Variants in UBTD1 observed in about 807,000 individuals in gnomAD.
UBTD1 encodes ubiquitin domain containing 1, also known as ubiquitin domain-containing protein 1.
Under a neutral mutation model 21.7 loss-of-function variants are expected in UBTD1, and 19 were observed. The ratio of observed to expected loss-of-function variants is 0.87; its 90% CI spans 0.61 to 1.28. The LOEUF (loss-of-function observed/expected upper bound fraction) is 1.28. UBTD1 is among the 50% of genes most tolerant of loss of function. The probability of loss-of-function intolerance (pLI) is 0.00; values close to 1 mark genes in which losing one functional copy is unlikely to be tolerated. For synonymous variants in UBTD1, 116 were observed against 135.1 expected (o/e 0.86, Z 0.98); for missense variants, 282 against 315.1 (o/e 0.89, Z 0.80).
chr10:97,549,922 C>A (rs1420567541), intron 1 of UBTD1, among the ~76,000 whole-genome samples: 7 of 152,240 alleles, frequency 4.6e-5, no homozygotes, highest in Non-Finnish European at 1.0e-4. Flanking sequence ...CCCTGGCTCC[C>A]CCCTCCCCGC....
rs546883182 is a variant in UBTD1, at chr10:97,535,417, C to A, written c.71-32497C>A. Among the ~76,000 whole-genome samples the A allele has an allele frequency of 4.6e-5, 7 of 152,096 alleles. No homozygotes were observed. The South Asian group carries it at 1.5e-3, about 32-fold the overall frequency. Reference sequence around the variant, plus strand: ...GATCACGAGATCAGGAAATTGAGACCATCCTGGCTAACACAGTGAAACCCC... The same window carrying A: ...GATCACGAGATCAGGAAATTGAGACAATCCTGGCTAACACAGTGAAACCCC... On this transcript the variant is annotated intron_variant, in intron 1 of 2. Transcript: ENST00000370664.
At chr10:97,542,821 C>T (rs2040592709) in intron 1 of UBTD1, among the ~76,000 whole-genome samples, 1 of 152,208 alleles carries the variant, frequency 6.6e-6, no homozygotes, top group Non-Finnish European at 1.5e-5. Context: ...AAGGGCTGTC[C>T]ATATGGTCAG....
intron 1 of UBTD1, among the ~76,000 whole-genome samples, chr10:97,517,925 C>A (rs1402438955): frequency 2.6e-5 from 4 of 152,082 alleles, no homozygotes; most frequent in Non-Finnish European, 4.4e-5. Flanking sequence ...TGGCTGTGTT[C>A]TCCTTCCTGG....
At chr10:97,553,731 T>A (rs1311252130) in intron 1 of UBTD1, among the ~76,000 whole-genome samples, 1 of 152,114 alleles carries the variant, frequency 6.6e-6, no homozygotes, top group Non-Finnish European at 1.5e-5. Context: ...AAGGCAACGG[T>A]TGGACTCCTG....
At chr10:97,568,329 C>G (rs1304442379) in intron 2 of UBTD1, among the ~76,000 whole-genome samples, 188 bp downstream of exon 2, 1 of 152,194 alleles carries the variant, frequency 6.6e-6, no homozygotes, top group Non-Finnish European at 1.5e-5. Flanking sequence ...CTATGCTTGC[C>G]TAATGACATG....
intron 1 of UBTD1, among the ~76,000 whole-genome samples, chr10:97,528,361 A>C (rs1403392377): frequency 6.4e-5 from 6 of 93,870 alleles, no homozygotes; most frequent in Admixed American, 4.2e-4. Flanking sequence ...TGACCCCCCC[A>C]CCTCCCTCCC....
intron 1 of UBTD1, among the ~76,000 whole-genome samples, chr10:97,529,012 G>T (rs1386016325): frequency 6.6e-6 from 1 of 151,606 alleles, no homozygotes; most frequent in Non-Finnish European, 1.5e-5. Context: ...CCCAGACGGG[G>T]TGGCAGCCGG....
intron 1 of UBTD1, among the ~76,000 whole-genome samples, chr10:97,515,779 T>C (rs891402994): frequency 1.3e-5 from 2 of 151,830 alleles, no homozygotes; most frequent in African/African-American, 4.8e-5. Flanking sequence ...AGAAAGAGAG[T>C]CTGGTTGGCA....
chr10:97,499,094 G>A lies in UBTD1; in HGVS notation c.-110G>A. On this transcript the variant is annotated 5_prime_UTR_variant, in exon 1 of 3. Coordinates refer to ENST00000370664, the MANE Select transcript of UBTD1 (RefSeq NM_024954.5). ...GAGCGCGCCCCCGGGGGGAGATCGG[G>A]GAGCGCCCGATGCCGGGCGGCCGGA... The A allele has an allele frequency of 7.9e-7, 1 of 1,270,334 alleles. No individual in the cohort carries two copies. The highest frequency in any genetic ancestry group is 1.1e-6 in the Non-Finnish European group (1 of 943,938). 78.7% of individuals were successfully genotyped at this position (1,270,334 alleles called of 1,614,324 possible).
At chr10:97,518,141 T>A (rs1198719236) in intron 1 of UBTD1, among the ~76,000 whole-genome samples, 1 of 152,112 alleles carries the variant, frequency 6.6e-6, no homozygotes, top group African/African-American at 2.4e-5. Context: ...GCTGCTGGCC[T>A]AGGGAAGAGG....
chr10:97,543,855 G>A (rs1317561955), intron 1 of UBTD1, among the ~76,000 whole-genome samples: 1 of 152,206 alleles, frequency 6.6e-6, no homozygotes, highest in Non-Finnish European at 1.5e-5. Context: ...GGGCAGATTT[G>A]CTGTGGTGTT....
At chr10:97,556,168 A>ACTCT (rs2040663143) in intron 1 of UBTD1, among the ~76,000 whole-genome samples, 1 of 152,188 alleles carries the variant, frequency 6.6e-6, no homozygotes, top group South Asian at 2.1e-4. Context: ...TACTCTTATT[A>ACTCT]TAAGAGTTTT....
intron 1 of UBTD1, among the ~76,000 whole-genome samples, chr10:97,538,931 C>T (rs1157900407): frequency 2.6e-5 from 4 of 152,164 alleles, no homozygotes; most frequent in African/African-American, 9.7e-5. Flanking sequence ...AGTCTTAGAG[C>T]TGGAACGGGC....
intron 1 of UBTD1, among the ~76,000 whole-genome samples, chr10:97,518,423 G>C (rs1478506245): frequency 1.3e-5 from 2 of 152,178 alleles, no homozygotes; most frequent in African/African-American, 2.4e-5. Flanking sequence ...CATGCCTACC[G>C]GCCCGAGGCT....
intron 1 of UBTD1, among the ~76,000 whole-genome samples, chr10:97,534,015 G>C (rs58855391): frequency 0.041 from 6,254 of 152,220 alleles, 342 homozygotes; most frequent in African/African-American, 0.12. Flanking sequence ...CTAGGCCAGC[G>C]GGGCCCTGAA....
intron 1 of UBTD1, among the ~76,000 whole-genome samples, chr10:97,552,736 A>G (rs200408425): frequency 6.6e-6 from 1 of 152,158 alleles, no homozygotes; most frequent in East Asian, 1.9e-4. Flanking sequence ...AAGCTGGAGC[A>G]CTGTGCGCTT....
At chr10:97,554,953 AC>A (rs1328954368) in intron 1 of UBTD1, among the ~76,000 whole-genome samples, 1 of 152,040 alleles carries the variant, frequency 6.6e-6, no homozygotes, top group African/African-American at 2.4e-5. Flanking sequence ...CCCTTTCTCA[AC>A]CCTTGGTAGA....
chr10:97,566,673 GGA>G (rs1273713237), intron 1 of UBTD1, among the ~76,000 whole-genome samples: 1 of 152,212 alleles, frequency 6.6e-6, no homozygotes, highest in African/African-American at 2.4e-5. Flanking sequence ...CTTTCTCAGC[GGA>G]GATCGCTGCC....
intron 2 of UBTD1, among the ~76,000 whole-genome samples, chr10:97,568,475 T>C (rs2040728927): frequency 6.6e-6 from 1 of 151,998 alleles, no homozygotes; most frequent in African/African-American, 2.4e-5. Context: ...AGGCTGAGGC[T>C]CAGTGGTGGG....
Sources: gnomAD v4.1 joint callset for allele counts (sites outside exome capture counted in the v4.1 genomes callset) on GRCh38, gnomAD v4.1.1 for gene constraint, MANE v1.5 for transcripts, NCBI Gene and HGNC (gene_info 2026-07-23, HGNC 2026-07-21) for gene names.